Variants in GRM1 observed in about 807,000 individuals in gnomAD.
The protein encoded by GRM1 is metabotropic glutamate receptor 1.
Under a neutral mutation model 90.9 loss-of-function variants are expected in GRM1, and 33 were observed. The observed-to-expected ratio is 0.36, with a 90% CI of 0.28 to 0.49. The LOEUF is 0.49. Ranked by LOEUF, GRM1 falls within the 20% of genes least tolerant of loss-of-function variation. The pLI is 0.99. For synonymous variants in GRM1, 700 were observed against 613.2 expected (o/e 1.14, Z -2.09); for missense variants, 1,190 against 1,534.3 (o/e 0.78, Z 3.75).
chr6:146,418,768 A>T (rs1777878195), intron 7 of GRM1, among the ~76,000 whole-genome samples: 2 of 151,424 alleles, frequency 1.3e-5, no homozygotes, highest in African/African-American at 4.8e-5. Context: ...TTCATTTAAC[A>T]CTCATAATAA....
chr6:146,174,669 G>A (rs6921181), intron 2 of GRM1, among the ~76,000 whole-genome samples: 16,688 of 152,158 alleles, frequency 0.11, 1,849 homozygotes, highest in African/African-American at 0.28. Flanking sequence ...CTATGTTTTG[G>A]GTTATTAGAT....
intron 1 of GRM1, among the ~76,000 whole-genome samples, chr6:146,147,811 T>G (rs938511527): frequency 1.1e-4 from 16 of 152,174 alleles, no homozygotes; most frequent in Admixed American, 4.6e-4. Context: ...TATTTTTTCT[T>G]AAGGCAGAGG....
intron 2 of GRM1, among the ~76,000 whole-genome samples, chr6:146,271,299 C>T (rs9497518): frequency 0.03 from 4,564 of 152,020 alleles, 238 homozygotes; most frequent in African/African-American, 0.11. Flanking sequence ...CCACTGTGCC[C>T]GGCCAGAGTT....
At chr6:146,037,526 G>A (rs1030078612) in intron 1 of GRM1, among the ~76,000 whole-genome samples, 25 of 151,836 alleles carry the variant, frequency 1.6e-4, no homozygotes, top group African/African-American at 5.8e-4. Context: ...CGCCTCTCAT[G>A]TGAGGTCCAT....
Position 146,164,692 on chromosome 6 carries a change from G to A in GRM1, c.950+5095G>A, listed in dbSNP as rs1191374071. Reference sequence around the variant, plus strand: ...CTGGGTCTCACTAGTAGGTCCCTTGGCGGTACCTTAGCTCCACTAAAGACA... The same window carrying A: ...CTGGGTCTCACTAGTAGGTCCCTTGACGGTACCTTAGCTCCACTAAAGACA... On this transcript the variant is annotated intron_variant, in intron 2 of 7. Transcript: ENST00000282753. Among the ~76,000 whole-genome samples the A allele has an allele frequency of 2.0e-5, 3 of 152,046 alleles. No individual in the cohort carries two copies. The East Asian group carries it at 5.8e-4, about 29-fold the overall frequency.
Position 146,299,900 on chromosome 6 carries a change from C to T in GRM1, c.951-4711C>T, listed in dbSNP as rs190577682. Among the ~76,000 whole-genome samples the T allele has an allele frequency of 5.3e-5, 8 of 151,680 alleles. No individual in the cohort carries two copies. In the East Asian group the frequency reaches 1.5e-3, roughly 29 times the overall value. On this transcript the variant is annotated intron_variant, in intron 2 of 7. Transcript: ENST00000282753. ...ATGATTTGAAAACATCCAAGCAGTA[C>T]GCCAAAAAAAAGTAGTGTTCACCTC...
chr6:146,133,939 C>G (rs1457391967), intron 1 of GRM1, among the ~76,000 whole-genome samples: 1 of 152,208 alleles, frequency 6.6e-6, no homozygotes, highest in African/African-American at 2.4e-5. Flanking sequence ...GGGCCCCTGC[C>G]ATCATTTTCG....
At chr6:146,374,096 G>A (rs971313209) in intron 5 of GRM1, among the ~76,000 whole-genome samples, 1 of 151,990 alleles carries the variant, frequency 6.6e-6, no homozygotes, top group African/African-American at 2.4e-5. Context: ...ACCAAATGCT[G>A]TTTATGCATC....
intron 2 of GRM1, among the ~76,000 whole-genome samples, chr6:146,283,347 A>G (rs1339503739): frequency 1.3e-5 from 2 of 152,214 alleles, no homozygotes; most frequent in African/African-American, 4.8e-5. Flanking sequence ...AAGAATGTCA[A>G]ATACATATGT....
chr6:146,282,462 C>T (rs1348597729), intron 2 of GRM1, among the ~76,000 whole-genome samples: 1 of 150,706 alleles, frequency 6.6e-6, no homozygotes, highest in African/African-American at 2.4e-5. Flanking sequence ...AGCAGCCACT[C>T]AAAAAATATT....
chr6:146,431,761 T>C (rs1223655614), intron 7 of GRM1, among the ~76,000 whole-genome samples: 1 of 152,112 alleles, frequency 6.6e-6, no homozygotes, highest in Non-Finnish European at 1.5e-5. Context: ...ATGATGCAAA[T>C]TATTGAGTTG....
chr6:146,248,714 G>T (rs1240115686), intron 2 of GRM1, among the ~76,000 whole-genome samples: 1 of 152,176 alleles, frequency 6.6e-6, no homozygotes, highest in Non-Finnish European at 1.5e-5. Flanking sequence ...CTTTGGAACT[G>T]GGTAACAGGC....
chr6:146,399,273 T>C lies in GRM1; in HGVS notation c.2234T>C (p.Ile745Thr). 4.3e-6 allele frequency: 7 copies of C among 1,614,176 alleles called. No individual in the cohort carries two copies. Among genetic ancestry groups the C allele is most frequent in the South Asian group, 2.2e-5 (2 of 91,084 alleles). The change falls in exon 7 of 8, where the codon ATC becomes ACC. Residue 745 changes from isoleucine to threonine, a missense_variant. Physicochemically the swap from Ile to Thr is moderately conservative, Grantham distance 89 (BLOSUM62 -1). Coordinates refer to ENST00000282753, the MANE Select transcript of GRM1 (RefSeq NM_001278064.2). The surrounding 1 kb of genome is among the most constrained non-coding windows in gnomAD (Gnocchi z 5.4). ...CCAAGTATCAAGGAAGTCTACCTTATCTGCAATACCAGCAACCTGGGTGTG... is the reference window on the plus strand; with the variant it reads ...CCAAGTATCAAGGAAGTCTACCTTACCTGCAATACCAGCAACCTGGGTGTG... The part of the protein sequence containing the change: ...SYPSIKEVYL[I>T]CNTSNLGVVA...
chr6:146,061,340 C>CT (rs1490430636), intron 1 of GRM1, among the ~76,000 whole-genome samples: 2 of 152,136 alleles, frequency 1.3e-5, no homozygotes, highest in Non-Finnish European at 2.9e-5. Context: ...CTATGCAGGA[C>CT]TGCCACATAC....
chr6:146,029,451 C>T lies in GRM1; in HGVS notation c.-67C>T. ...GCGCTGGGCGTCTTGGGGGTGCGCG[C>T]CGGGAGCCTGCAGCGGGACCAGCGT... On this transcript the variant is annotated 5_prime_UTR_variant, in exon 1 of 8. Coordinates refer to ENST00000282753, the MANE Select transcript of GRM1 (RefSeq NM_001278064.2). 1 of 1,300,908 alleles carries T rather than the reference C, an allele frequency of 7.7e-7. No individual in the cohort carries two copies. Among genetic ancestry groups the T allele is most frequent in the Non-Finnish European group, 1.1e-6 (1 of 895,370 alleles). The allele number at this position is 1,300,908 out of a possible 1,614,324, so 80.6% of individuals were successfully genotyped here.
At position 146,435,078 on chromosome 6, in the gene GRM1, G is replaced by A; in HGVS notation, c.*282G>A. 1 of 553,224 alleles carries A rather than the reference G, an allele frequency of 1.8e-6. No individual in the cohort carries two copies. Among genetic ancestry groups the A allele is most frequent in the South Asian group, 2.0e-5 (1 of 49,262 alleles). The allele number at this position is 553,224 out of a possible 1,614,324, so 34.3% of individuals were successfully genotyped here. A position where few individuals can be genotyped will look rare whatever the true frequency, so the allele number is the denominator to read the frequency against. On this transcript the variant is annotated 3_prime_UTR_variant, in exon 8 of 8. Transcript: ENST00000282753. ...GACAAAGCACAATTCCATATGGTAT[G>A]TAACTTTTATCACAAATCAAATAGT...
chr6:146,179,647 G>A (rs904636260), intron 2 of GRM1, among the ~76,000 whole-genome samples: 40 of 152,136 alleles, frequency 2.6e-4, no homozygotes, highest in African/African-American at 9.4e-4. Context: ...CCAAGAAGCT[G>A]GGACTACAGG....
rs1200305662 is a variant in GRM1, at chr6:146,434,740, G to C, written c.3529G>C (p.Val1177Leu). The change falls in exon 8 of 8, where the codon GTA becomes CTA. Residue 1177 changes from valine (V) to leucine (L), a missense_variant. Val to Leu is a conservative substitution (Grantham distance 32). This residue lies in a region of GRM1 where 48 missense variants were observed against 48.5 expected (regional missense o/e 0.99). Transcript: ENST00000282753. ...GTCGGTGCTCTGCACCCCTCCCAAC[G>C]TATCCTACGCCTCTGTCATTCTGCG... The part of the protein sequence containing the change: ...SESVLCTPPN[V>L]SYASVILRDY... The C allele has an allele frequency of 2.5e-6, 4 of 1,600,462 alleles. No homozygotes were observed. The highest frequency in any genetic ancestry group is 1.7e-5 in the Admixed American group (1 of 59,998).
chr6:146,315,966 G>A (rs1206465588), intron 3 of GRM1, among the ~76,000 whole-genome samples: 1 of 152,166 alleles, frequency 6.6e-6, no homozygotes, highest in African/African-American at 2.4e-5. Flanking sequence ...ATTCTTAGAT[G>A]TATTAATTTT....
Sources: gnomAD v4.1 joint callset for allele counts (sites outside exome capture counted in the v4.1 genomes callset) on GRCh38, gnomAD v4.1.1 for gene constraint, gnomAD v4.1.1 regional missense constraint, Gnocchi (gnomAD v3.1) non-coding constraint, MANE v1.5 for transcripts, NCBI Gene and HGNC (gene_info 2026-07-23, HGNC 2026-07-21) for gene names.